The following CCDC171 variants were observed in gnomAD, a reference collection of about 807,000 sequenced individuals.
The protein encoded by CCDC171 is coiled-coil domain containing 171.
Under a neutral mutation model 168.2 loss-of-function variants are expected in CCDC171, and 177 were observed. The ratio of observed to expected loss-of-function variants is 1.05; its 90% CI spans 0.93 to 1.19. CCDC171 has a LOEUF of 1.19. CCDC171 is among the 50% of genes most tolerant of loss of function. CCDC171 has a pLI of 0.00. For missense variants in CCDC171, 1,991 were observed against 1,539.0 expected (o/e 1.29, Z -4.91); for synonymous variants, 687 against 540.8 (o/e 1.27, Z -3.75).
intron 24 of CCDC171, among the ~76,000 whole-genome samples, chr9:15,894,879 T>G (rs1459765606): frequency 6.6e-6 from 1 of 152,168 alleles, no homozygotes; most frequent in Non-Finnish European, 1.5e-5. Context: ...GTCACCAAAA[T>G]GTAAGATCCA....
At chr9:15,894,092 A>G (rs1820567626) in intron 24 of CCDC171, among the ~76,000 whole-genome samples, 1 of 152,242 alleles carries the variant, frequency 6.6e-6, no homozygotes, top group South Asian at 2.1e-4. Flanking sequence ...AATACTGTGC[A>G]GTCGTAAAAC....
chr9:15,579,004 G>C lies in CCDC171; in HGVS notation c.333G>C (p.Arg111Ser), dbSNP rs774471039. Reference protein sequence around the residue: ...AAEERLAEAHRIQEKLCAQNS... With the variant: ...AAEERLAEAHSIQEKLCAQNS... ...AAGAAAGATTAGCCGAGGCACATAG[G>C]ATCCAAGAAAAACTCTGTGGTAAGA... Residue 111 changes from arginine to serine, a missense_variant, in exon 4 of 26, where the codon AGG becomes AGC. Coordinates refer to ENST00000380701, the MANE Select transcript of CCDC171 (RefSeq NM_173550.4). 6.8e-6 allele frequency: 11 copies of C among 1,613,622 alleles called. No individual in the cohort carries two copies. The highest frequency in any genetic ancestry group is 8.5e-7 in the Non-Finnish European group (1 of 1,179,824).
the CCDC171 span, among the ~76,000 whole-genome samples, chr9:16,077,140 G>T: frequency 2.6e-5 from 4 of 152,130 alleles, no homozygotes; most frequent in Non-Finnish European, 5.9e-5. Context: ...TTCCCAGCCT[G>T]GTGGAAAGCT....
At chr9:15,693,985 A>C (rs2051020755) in intron 10 of CCDC171, among the ~76,000 whole-genome samples, 1 of 152,164 alleles carries the variant, frequency 6.6e-6, no homozygotes, top group Admixed American at 6.5e-5. Flanking sequence ...TAATTATTAT[A>C]ACACAGTGAA....
intron 21 of CCDC171, among the ~76,000 whole-genome samples, chr9:15,801,626 G>A (rs569984309): frequency 6.6e-6 from 1 of 151,840 alleles, no homozygotes; most frequent in Non-Finnish European, 1.5e-5. Context: ...TTGTTTGATT[G>A]CTCGAGCTAG....
intron 11 of CCDC171, among the ~76,000 whole-genome samples, chr9:15,711,057 T>C (rs1460063821): frequency 2.0e-5 from 3 of 152,220 alleles, no homozygotes; most frequent in Non-Finnish European, 2.9e-5. Flanking sequence ...TAATGGAATC[T>C]GCAGTAATGG....
chr9:15,693,212 AC>A (rs2050951698), intron 10 of CCDC171, among the ~76,000 whole-genome samples: 1 of 18,566 alleles, frequency 5.4e-5, no homozygotes, highest in African/African-American at 1.1e-4. Flanking sequence ...ATAGGTACAC[AC>A]AGACACACAT....
chr9:15,741,698 A>G (rs1163290421), intron 16 of CCDC171, among the ~76,000 whole-genome samples: 4 of 152,034 alleles, frequency 2.6e-5, no homozygotes, highest in Non-Finnish European at 5.9e-5. Flanking sequence ...TAGATTTATG[A>G]TCAAATTTTC....
chr9:15,943,983 G>C (rs538374713), intron 25 of CCDC171, among the ~76,000 whole-genome samples: 1 of 152,146 alleles, frequency 6.6e-6, no homozygotes, highest in African/African-American at 2.4e-5. Flanking sequence ...AGAACTATGT[G>C]AACCGAAACA....
At chr9:15,762,166 T>TC (rs1397216327) in intron 18 of CCDC171, among the ~76,000 whole-genome samples, 1 of 151,630 alleles carries the variant, frequency 6.6e-6, no homozygotes, top group African/African-American at 2.4e-5. Context: ...TTTTTTTTTT[T>TC]TTTTTTAAGA....
intron 7 of CCDC171, among the ~76,000 whole-genome samples, chr9:15,625,044 A>G (rs1337007129): frequency 6.6e-6 from 1 of 152,084 alleles, no homozygotes; most frequent in East Asian, 1.9e-4. Context: ...TGTGGTTTTG[A>G]TTTGCATTTC....
chr9:15,923,047 A>G (rs1472221356), intron 25 of CCDC171, among the ~76,000 whole-genome samples: 1 of 151,558 alleles, frequency 6.6e-6, no homozygotes, highest in Non-Finnish European at 1.5e-5. Context: ...TTTGCTGTGC[A>G]GAGCTTTTTA....
chr9:15,592,020 C>G (rs886272783), intron 5 of CCDC171, among the ~76,000 whole-genome samples: 3 of 151,836 alleles, frequency 2.0e-5, no homozygotes, highest in Non-Finnish European at 4.4e-5. Flanking sequence ...AAATTGTGAG[C>G]TATTTATTCC....
At chr9:15,891,333 C>G (rs1224725549) in intron 24 of CCDC171, among the ~76,000 whole-genome samples, 1 of 152,114 alleles carries the variant, frequency 6.6e-6, no homozygotes, top group Non-Finnish European at 1.5e-5. Context: ...ACAACTAGCT[C>G]TCAACCCTGC....
intron 24 of CCDC171, among the ~76,000 whole-genome samples, chr9:15,884,986 C>A (rs983971393): frequency 6.6e-6 from 1 of 152,132 alleles, no homozygotes; most frequent in East Asian, 1.9e-4. Flanking sequence ...TTTAGTGTTT[C>A]CTTCCAGTTA....
chr9:15,987,261 A>G (rs1832019756), intron 3 of CCDC171, among the ~76,000 whole-genome samples: 1 of 152,176 alleles, frequency 6.6e-6, no homozygotes, highest in Admixed American at 6.5e-5. Context: ...TTTCTTTAGC[A>G]TTTAAAGAAC....
chr9:16,033,418 C>T (rs3008707), intron 6 of CCDC171, among the ~76,000 whole-genome samples: 87,046 of 152,122 alleles, frequency 0.57, 27,301 homozygotes, highest in African/African-American at 0.85. Context: ...ATTAGATTCT[C>T]ATAGGAGCGC....
intron 21 of CCDC171, among the ~76,000 whole-genome samples, chr9:15,797,414 C>G (rs1036836223): frequency 1.3e-5 from 2 of 152,088 alleles, no homozygotes; most frequent in Non-Finnish European, 2.9e-5. Context: ...CGGGGTTTCT[C>G]CATGTTGCCC....
At chr9:16,096,947 C>G in the CCDC171 span, among the ~76,000 whole-genome samples, 1 of 152,020 alleles carries the variant, frequency 6.6e-6, no homozygotes. Context: ...GCCAAGTCTC[C>G]CTGATACCAA....
Sources: gnomAD v4.1 joint callset for allele counts (sites outside exome capture counted in the v4.1 genomes callset) on GRCh38, gnomAD v4.1.1 for gene constraint, MANE v1.5 for transcripts, NCBI Gene and HGNC (gene_info 2026-07-23, HGNC 2026-07-21) for gene names.